Variants in ZNF618 observed in about 807,000 individuals in gnomAD.
ZNF618 encodes neural precursor cell expressed, developmentally down-regulated 10.
In ZNF618, 34 loss-of-function variants were observed where a neutral mutation model predicts 103.0. The ratio of observed to expected loss-of-function variants is 0.33; its 90% CI spans 0.25 to 0.44. The LOEUF (loss-of-function observed/expected upper bound fraction) is 0.44, where lower values mean the gene tolerates loss of function less well. ZNF618 is among the 20% of genes least tolerant of loss of function. ZNF618 has a pLI of 1.00. For missense variants in ZNF618, 1,059 were observed against 1,295.4 expected (o/e 0.82, Z 2.80); for synonymous variants, 551 against 542.2 (o/e 1.02, Z -0.23).
At chr9:113,918,954 A>G (rs151272779) in intron 1 of ZNF618, among the ~76,000 whole-genome samples, 2 of 152,306 alleles carry the variant, frequency 1.3e-5, no homozygotes, top group Non-Finnish European at 2.9e-5. Context: ...ACTGGAAAGG[A>G]AGACTCAGTG....
intron 6 of ZNF618, among the ~76,000 whole-genome samples, chr9:114,006,397 G>T (rs1360094158): frequency 6.6e-6 from 1 of 152,212 alleles, no homozygotes; most frequent in Non-Finnish European, 1.5e-5. Flanking sequence ...CCCTGTGCCT[G>T]GGGTGATGGG....
rs907555201 is a variant in ZNF618 at position 114,054,192 on chromosome 9, C to G, written c.*4025C>G. On this transcript the variant is annotated 3_prime_UTR_variant, in exon 15 of 15. Coordinates refer to ENST00000374126, the MANE Select transcript of ZNF618 (RefSeq NM_001318042.2). The stretch of plus-strand genomic sequence containing the variant: ...CCCTATATTTGAGCAAGGCCACCTG[C>G]TTCCCCTGGACTTGAGCTGGACTCC... 1 of 152,600 alleles carries G rather than the reference C, an allele frequency of 6.6e-6. No individual in the cohort carries two copies. Among genetic ancestry groups the G allele is most frequent in the Non-Finnish European group, 1.5e-5 (1 of 68,068 alleles). 9.5% of individuals were successfully genotyped at this position (152,600 alleles called of 1,614,324 possible).
chr9:113,971,159 C>CG (rs748920629), intron 2 of ZNF618, among the ~76,000 whole-genome samples: 38 of 151,776 alleles, frequency 2.5e-4, no homozygotes, highest in Admixed American at 1.5e-3. Context: ...TTGTGGCCTG[C>CG]GGGGCAGTAG....
chr9:113,909,155 C>G (rs1010935961), intron 1 of ZNF618, among the ~76,000 whole-genome samples: 2 of 151,942 alleles, frequency 1.3e-5, no homozygotes, highest in Admixed American at 1.3e-4. Flanking sequence ...TGAGGTGCCT[C>G]ATTTGGAAAA....
intron 2 of ZNF618, among the ~76,000 whole-genome samples, chr9:113,975,339 G>T (rs1838377567): frequency 6.6e-6 from 1 of 152,158 alleles, no homozygotes; most frequent in Non-Finnish European, 1.5e-5. Flanking sequence ...GCTAAGTCTT[G>T]TTCTTTAATT....
chr9:113,991,825 G>A (rs1840090092), intron 3 of ZNF618, among the ~76,000 whole-genome samples: 1 of 152,114 alleles, frequency 6.6e-6, no homozygotes, highest in South Asian at 2.1e-4. Flanking sequence ...ATCTGCTTTG[G>A]GCAGACCCCT....
At chr9:114,037,235 C>T (rs1319486081) in intron 13 of ZNF618, among the ~76,000 whole-genome samples, 2 of 152,198 alleles carry the variant, frequency 1.3e-5, no homozygotes, top group Admixed American at 1.3e-4. Flanking sequence ...GTGGCTTCCA[C>T]ATGGTGATTC....
At chr9:113,911,941 C>T (rs974820672) in intron 1 of ZNF618, among the ~76,000 whole-genome samples, 5 of 152,160 alleles carry the variant, frequency 3.3e-5, no homozygotes, top group East Asian at 1.9e-4. Flanking sequence ...GTTGATCACC[C>T]AGACCACTTC....
intron 1 of ZNF618, among the ~76,000 whole-genome samples, chr9:113,936,438 T>C (rs1054136822): frequency 2.0e-5 from 3 of 152,290 alleles, no homozygotes; most frequent in African/African-American, 7.2e-5. Context: ...GGGAATCTTC[T>C]AGAATTTTCT....
chr9:114,030,862 T>C (rs1308491074), intron 11 of ZNF618: 1 of 152,186 alleles, frequency 6.6e-6, no homozygotes, highest in Non-Finnish European at 1.5e-5. Flanking sequence ...CTGAGCAGTG[T>C]AAGAGTTTGC....
intron 1 of ZNF618, among the ~76,000 whole-genome samples, chr9:113,943,793 C>T (rs1471173485): frequency 1.3e-5 from 2 of 152,050 alleles, no homozygotes; most frequent in Admixed American, 6.5e-5. Flanking sequence ...GCCCTGGCCT[C>T]GGCTGTGCCC....
chr9:113,995,461 T>C (rs1199809117), intron 3 of ZNF618, among the ~76,000 whole-genome samples: 5 of 152,238 alleles, frequency 3.3e-5, no homozygotes, highest in African/African-American at 9.6e-5. Context: ...TAATATTTCT[T>C]ATTGCTAGAA....
intron 3 of ZNF618, among the ~76,000 whole-genome samples, chr9:113,989,570 A>G (rs10817547): frequency 0.6 from 90,833 of 151,902 alleles, 27,576 homozygotes; most frequent in Middle Eastern, 0.75. Flanking sequence ...TCCCTACTCC[A>G]TGTTTCCAAG....
chr9:113,986,226 G>A (rs1362443931), intron 2 of ZNF618, among the ~76,000 whole-genome samples: 9 of 152,276 alleles, frequency 5.9e-5, no homozygotes. Context: ...TTTTGCAGAC[G>A]GCGAAACCAA....
intron 1 of ZNF618, among the ~76,000 whole-genome samples, chr9:113,915,743 A>G (rs978641783): frequency 6.6e-6 from 1 of 152,008 alleles, no homozygotes; most frequent in African/African-American, 2.4e-5. Flanking sequence ...GGAGGGATAG[A>G]GAGAGGTAGA....
intron 12 of ZNF618, among the ~76,000 whole-genome samples, chr9:114,035,871 ACATT>A (rs1844543991): frequency 6.6e-6 from 1 of 151,966 alleles, no homozygotes; most frequent in Non-Finnish European, 1.5e-5. Context: ...ATTCATTCAT[ACATT>A]CATTCATTTG....
intron 12 of ZNF618, among the ~76,000 whole-genome samples, chr9:114,035,437 C>G (rs1844497389): frequency 6.6e-6 from 1 of 152,218 alleles, no homozygotes; most frequent in African/African-American, 2.4e-5. Flanking sequence ...GGGCAGAGCC[C>G]TGACCAGCAG....
intron 13 of ZNF618, among the ~76,000 whole-genome samples, chr9:114,041,885 T>TGG (rs1229031687): frequency 3.3e-5 from 5 of 152,232 alleles, no homozygotes; most frequent in African/African-American, 4.8e-5. Context: ...GGTAGCTTGA[T>TGG]GGGGATGGCA....
intron 1 of ZNF618, among the ~76,000 whole-genome samples, chr9:113,905,087 T>C (rs200082015): frequency 5.3e-5 from 8 of 152,070 alleles, no homozygotes; most frequent in South Asian, 2.1e-4. Flanking sequence ...ATTTTTTTTT[T>C]CCAAGACTGC....
Sources: allele counts gnomAD v4.1 joint callset (sites outside exome capture counted in the v4.1 genomes callset), GRCh38; gene constraint gnomAD v4.1.1; transcripts MANE v1.5; gene names NCBI Gene and HGNC (gene_info 2026-07-23, HGNC 2026-07-21).